The following ITPR2 variants were observed in gnomAD, a reference collection of about 807,000 sequenced individuals.
ITPR2 encodes the protein inositol 1,4,5-trisphosphate-gated calcium channel ITPR2.
Under a neutral mutation model 317.1 loss-of-function variants are expected in ITPR2, and 207 were observed. The observed-to-expected ratio is 0.65, with a 90% CI of 0.58 to 0.73. The LOEUF (loss-of-function observed/expected upper bound fraction) is 0.73. Ranked by LOEUF, ITPR2 falls within the 30% of genes least tolerant of loss-of-function variation. ITPR2 has a pLI of 0.00. For missense variants in ITPR2, 2,613 were observed against 3,284.0 expected (o/e 0.80, Z 4.99); for synonymous variants, 1,156 against 1,149.1 (o/e 1.01, Z -0.12).
In ITPR2 at chr12:26,461,935, C is replaced by G. The variant is rs891560134; in HGVS notation, c.6342+13361G>C. ...TGGTCTGGCTAAGGGTAACTATTTC[C>G]CTTTCCGAAGCCTGACTTTTTTTTT... is the stretch of plus-strand genomic sequence containing the variant. On this transcript the variant is annotated intron_variant, in intron 45 of 56. Coordinates refer to ENST00000381340, the MANE Select transcript of ITPR2 (RefSeq NM_002223.4). Among the ~76,000 whole-genome samples, 37 of 149,710 alleles carry G rather than the reference C, an allele frequency of 2.5e-4. 1 individual carries two copies. Among genetic ancestry groups the G allele is most frequent in the Middle Eastern group, 3.5e-3 (1 of 288 alleles).
At chr12:26,543,405 G>A (rs141209824) in intron 37 of ITPR2, among the ~76,000 whole-genome samples, 27 of 152,252 alleles carry the variant, frequency 1.8e-4, no homozygotes, top group African/African-American at 6.5e-4. Flanking sequence ...GAGAGAGAGA[G>A]AGAGGAGAGA....
At chr12:26,811,036 C>CAAAAAAAAAAAAAAAAA (rs79796097) in intron 1 of ITPR2, among the ~76,000 whole-genome samples, 2 of 108,314 alleles carry the variant, frequency 1.8e-5, no homozygotes, top group Non-Finnish European at 1.8e-5. Flanking sequence ...TTTTAAGTTA[C>CAAAAAAAAAAAAAAAAA]AAAAAAAAAA....
intron 13 of ITPR2, among the ~76,000 whole-genome samples, chr12:26,671,286 G>C (rs993480544): frequency 2.6e-5 from 4 of 152,182 alleles, no homozygotes. Flanking sequence ...AAAATGTTAA[G>C]GGCAGCCAGA....
intron 8 of ITPR2, among the ~76,000 whole-genome samples, 193 bp downstream of exon 8, chr12:26,715,106 A>G (rs1948713535): frequency 1.3e-5 from 2 of 152,150 alleles, no homozygotes; most frequent in East Asian, 1.9e-4. Context: ...GAGCTACCAC[A>G]GAGAAGACAG....
intron 19 of ITPR2, 44 bp from the exon 20 acceptor site, chr12:26,655,896 A>G: frequency 1.3e-6 from 2 of 1,553,350 alleles, no homozygotes; most frequent in Non-Finnish European, 1.8e-6. Flanking sequence ...ACTGATTGCA[A>G]TCATTTAAAA....
chr12:26,826,836 A>G (rs1208356296), intron 1 of ITPR2, among the ~76,000 whole-genome samples: 1 of 152,206 alleles, frequency 6.6e-6, no homozygotes, highest in Non-Finnish European at 1.5e-5. Flanking sequence ...GATGCACCTT[A>G]CACTGATTCT....
intron 37 of ITPR2, among the ~76,000 whole-genome samples, chr12:26,502,708 G>A (rs1943098317): frequency 1.3e-5 from 2 of 152,166 alleles, no homozygotes; most frequent in African/African-American, 4.8e-5. Flanking sequence ...AGCTTACAGT[G>A]CATCCCAGAG....
At chr12:26,582,824 C>T (rs1176637364) in intron 32 of ITPR2, among the ~76,000 whole-genome samples, 1 of 152,174 alleles carries the variant, frequency 6.6e-6, no homozygotes, top group African/African-American at 2.4e-5. Context: ...TCCCTTATTA[C>T]CACCAAATAG....
At chr12:26,377,837 C>T (rs1486100490) in intron 55 of ITPR2, among the ~76,000 whole-genome samples, 2 of 152,158 alleles carry the variant, frequency 1.3e-5, no homozygotes, top group African/African-American at 2.4e-5. Context: ...ATCCTTAATT[C>T]GTTTCCTTTC....
intron 21 of ITPR2, among the ~76,000 whole-genome samples, chr12:26,653,589 T>C (rs1947307278): frequency 6.6e-6 from 1 of 152,182 alleles, no homozygotes; most frequent in Admixed American, 6.5e-5. Context: ...TTCAAATCTA[T>C]TCTCTCTTTG....
intron 10 of ITPR2, among the ~76,000 whole-genome samples, chr12:26,690,558 T>C (rs1293492776): frequency 1.3e-5 from 2 of 152,260 alleles, no homozygotes; most frequent in Non-Finnish European, 2.9e-5. Context: ...ATCAGTCTTT[T>C]GTGAGTTTAT....
chr12:26,518,275 A>G (rs1943578735), intron 37 of ITPR2, among the ~76,000 whole-genome samples: 1 of 152,214 alleles, frequency 6.6e-6, no homozygotes, highest in Admixed American at 6.5e-5. Flanking sequence ...GGAACAGAAA[A>G]CCAAGTACCC....
chr12:26,806,792 G>A (rs947212729), intron 1 of ITPR2, among the ~76,000 whole-genome samples: 12 of 152,066 alleles, frequency 7.9e-5, no homozygotes, highest in South Asian at 4.2e-4. Context: ...CTCTTGCCTC[G>A]GGCTCCCAAA....
At chr12:26,735,461 G>A (rs1037906644) in intron 2 of ITPR2, among the ~76,000 whole-genome samples, 10 of 152,130 alleles carry the variant, frequency 6.6e-5, no homozygotes, top group African/African-American at 2.2e-4. Context: ...GAAGGGTAGG[G>A]AAGAGGACAG....
At chr12:26,762,441 T>C (rs1350440953) in intron 2 of ITPR2, among the ~76,000 whole-genome samples, 15 of 152,008 alleles carry the variant, frequency 9.9e-5, no homozygotes, top group Admixed American at 9.8e-4. Flanking sequence ...ATATTCAAAG[T>C]GGTGAAAGAA....
rs960353116 is a variant in ITPR2 at position 26,622,103 on chromosome 12, T to C, written c.3288+137A>G. On this transcript the variant is annotated intron_variant, in intron 25 of 56. Coordinates refer to ENST00000381340, the MANE Select transcript of ITPR2 (RefSeq NM_002223.4). ...ACGTCCTGGCATAGACAAGGCCATG[T>C]CTCTGTTTAAAAATAGAAAGTGTCT... 79 of 642,040 alleles carry C rather than the reference T, an allele frequency of 1.2e-4. 1 individual carries two copies. The highest frequency in any genetic ancestry group is 1.7e-5 in the Non-Finnish European group (7 of 403,904). 39.8% of individuals were successfully genotyped at this position (642,040 alleles called of 1,614,324 possible).
chr12:26,673,265 C>A (rs1482289801), intron 13 of ITPR2, among the ~76,000 whole-genome samples: 1 of 152,060 alleles, frequency 6.6e-6, no homozygotes, highest in Non-Finnish European at 1.5e-5. Flanking sequence ...AGACCAATAT[C>A]CTTGATGAAC....
At chr12:26,540,440 C>T (rs1412202437) in intron 37 of ITPR2, among the ~76,000 whole-genome samples, 3 of 152,098 alleles carry the variant, frequency 2.0e-5, no homozygotes, top group African/African-American at 7.2e-5. Flanking sequence ...TCCTTATTCT[C>T]TTCTCCTTTT....
chr12:26,524,953 A>T (rs1457375509), intron 37 of ITPR2, among the ~76,000 whole-genome samples: 1 of 152,228 alleles, frequency 6.6e-6, no homozygotes, highest in Non-Finnish European at 1.5e-5. Flanking sequence ...ATGGAGTGAG[A>T]ACTCAAAATA....
Sources: gnomAD v4.1 joint callset for allele counts (sites outside exome capture counted in the v4.1 genomes callset) on GRCh38, gnomAD v4.1.1 for gene constraint, MANE v1.5 for transcripts, NCBI Gene and HGNC (gene_info 2026-07-23, HGNC 2026-07-21) for gene names.